Variants in RIT2 observed in about 807,000 individuals in gnomAD.
RIT2 encodes the protein GTP-binding protein Rit2.
Under a neutral mutation model 23.7 loss-of-function variants are expected in RIT2, and 24 were observed. The observed-to-expected ratio is 1.01, with a 90% CI of 0.73 to 1.43. The LOEUF is 1.43. Ranked by LOEUF, RIT2 falls within the 40% of genes most tolerant of loss-of-function variation. The pLI is 0.00. For synonymous variants in RIT2, 107 were observed against 91.1 expected (o/e 1.17, Z -0.99); for missense variants, 236 against 266.9 (o/e 0.88, Z 0.81).
rs145958274 is a variant in RIT2 at position 43,086,273 on chromosome 18, G to A, written c.103+29144C>T. Among the ~76,000 whole-genome samples, 397 of 152,174 alleles carry A rather than the reference G, an allele frequency of 2.6e-3. 1 individual carries two copies. The highest frequency in any genetic ancestry group is 4.4e-3 in the Non-Finnish European group (299 of 68,002). ...AGATTTTTGGATTAGGGGTATTCAA[G>A]TTGTATAGACATTACAACTGATACA... On this transcript the variant is annotated intron_variant, in intron 1 of 4. Transcript: ENST00000326695.
At chr18:43,006,572 A>T (rs1231666130) in intron 2 of RIT2, among the ~76,000 whole-genome samples, 5 of 151,702 alleles carry the variant, frequency 3.3e-5, no homozygotes, top group Non-Finnish European at 7.4e-5. Flanking sequence ...TAAAGGCTTA[A>T]GTAGAAAGAG....
At chr18:43,096,017 A>C (rs776509158) in intron 1 of RIT2, among the ~76,000 whole-genome samples, 12 of 151,964 alleles carry the variant, frequency 7.9e-5, no homozygotes, top group Non-Finnish European at 1.6e-4. Context: ...AGGTGTTAAT[A>C]ATTAGAAGAA....
chr18:43,049,080 A>G (rs1912317207), intron 1 of RIT2, among the ~76,000 whole-genome samples: 1 of 152,142 alleles, frequency 6.6e-6, no homozygotes, highest in African/African-American at 2.4e-5. Context: ...TTGTAGCATC[A>G]CTAGTATGGC....
At chr18:42,748,002 C>G (rs911498797) in intron 4 of RIT2, among the ~76,000 whole-genome samples, 3 of 151,942 alleles carry the variant, frequency 2.0e-5, no homozygotes, top group Non-Finnish European at 4.4e-5. Flanking sequence ...AAGCAAGAAC[C>G]CAAAAGCAAA....
At chr18:43,077,086 G>C (rs1913041840) in intron 1 of RIT2, among the ~76,000 whole-genome samples, 1 of 115,546 alleles carries the variant, frequency 8.7e-6, no homozygotes, top group South Asian at 3.1e-4. Flanking sequence ...CTGGGCGACA[G>C]AGCGAGACTC....
intron 4 of RIT2, among the ~76,000 whole-genome samples, chr18:42,812,047 T>C (rs1325246230): frequency 6.6e-6 from 1 of 152,118 alleles, no homozygotes; most frequent in Non-Finnish European, 1.5e-5. Context: ...ATGCAAGATG[T>C]ATGGTAAGTG....
intron 1 of RIT2, among the ~76,000 whole-genome samples, chr18:43,105,457 GGAGGAAGGGAGGAAGA>G (rs760679641): frequency 1.9e-5 from 2 of 104,914 alleles, no homozygotes; most frequent in African/African-American, 6.9e-5. Context: ...AAAAAGGAAG[GGAGGAAGGGAGGAAGA>G]GAGGAAGGGA....
intron 4 of RIT2, among the ~76,000 whole-genome samples, chr18:42,923,204 C>A (rs1306238953): frequency 6.6e-6 from 1 of 152,124 alleles, no homozygotes; most frequent in Non-Finnish European, 1.5e-5. Context: ...ACTATCTTCT[C>A]ATGGTTAGCT....
At chr18:43,076,427 A>T (rs1228361067) in intron 1 of RIT2, among the ~76,000 whole-genome samples, 2 of 152,170 alleles carry the variant, frequency 1.3e-5, no homozygotes, top group African/African-American at 4.8e-5. Flanking sequence ...GTGAACAGGA[A>T]AAAAAGCAAA....
intron 1 of RIT2, among the ~76,000 whole-genome samples, chr18:43,086,495 T>G (rs1343877730): frequency 1.3e-5 from 2 of 152,296 alleles, no homozygotes; most frequent in South Asian, 2.1e-4. Context: ...AATTTACATG[T>G]GAATAGCAGG....
intron 3 of RIT2, among the ~76,000 whole-genome samples, chr18:42,967,893 T>C (rs779348616): frequency 5.9e-5 from 9 of 152,024 alleles, no homozygotes; most frequent in Non-Finnish European, 1.0e-4. Flanking sequence ...AATAATTTCA[T>C]CTTTTTTCTA....
chr18:42,750,584 C>T (rs1913023238), intron 4 of RIT2, among the ~76,000 whole-genome samples: 2 of 151,746 alleles, frequency 1.3e-5, no homozygotes, highest in East Asian at 1.9e-4. Flanking sequence ...TGTAAGATCT[C>T]TAAATCAACT....
intron 4 of RIT2, among the ~76,000 whole-genome samples, chr18:42,828,992 G>T (rs183582239): frequency 1.3e-4 from 20 of 152,104 alleles, no homozygotes; most frequent in Admixed American, 3.9e-4. Flanking sequence ...CCCTTTTCTG[G>T]CAGGGCACAG....
chr18:42,917,639 T>C (rs1349182090), intron 4 of RIT2, among the ~76,000 whole-genome samples: 1 of 152,150 alleles, frequency 6.6e-6, no homozygotes, highest in Non-Finnish European at 1.5e-5. Context: ...ACAATTCTGC[T>C]CAAATGTTTT....
At chr18:42,913,227 A>T (rs1908817593) in intron 4 of RIT2, among the ~76,000 whole-genome samples, 1 of 151,840 alleles carries the variant, frequency 6.6e-6, no homozygotes, top group Admixed American at 6.6e-5. Flanking sequence ...ATACAAAAAA[A>T]AATGTTCAGA....
intron 4 of RIT2, among the ~76,000 whole-genome samples, chr18:42,845,072 A>G (rs1906871029): frequency 6.6e-6 from 1 of 152,202 alleles, no homozygotes; most frequent in South Asian, 2.1e-4. Context: ...GCCTTAGAAT[A>G]TTAAAATTAA....
intron 4 of RIT2, among the ~76,000 whole-genome samples, chr18:42,759,251 A>G (rs1598642682): frequency 1.3e-5 from 2 of 152,268 alleles, no homozygotes; most frequent in East Asian, 3.9e-4. Context: ...GTAGGCACGC[A>G]CTTACTGCAC....
intron 1 of RIT2, among the ~76,000 whole-genome samples, chr18:43,093,711 C>T (rs1000594287): frequency 9.9e-5 from 15 of 151,886 alleles, no homozygotes; most frequent in African/African-American, 3.6e-4. Flanking sequence ...GAGCTAATTC[C>T]AGCATTTTGG....
chr18:42,776,643 T>C (rs189006100), intron 4 of RIT2, among the ~76,000 whole-genome samples: 2 of 152,316 alleles, frequency 1.3e-5, no homozygotes, highest in East Asian at 3.9e-4. Context: ...ACTAGTATCA[T>C]GTCCATTTAT....
Sources: allele counts gnomAD v4.1 joint callset (sites outside exome capture counted in the v4.1 genomes callset), GRCh38; gene constraint gnomAD v4.1.1; transcripts MANE v1.5; gene names NCBI Gene and HGNC (gene_info 2026-07-23, HGNC 2026-07-21).